PTPA: variants seen among roughly 807,000 people sequenced by gnomAD.
The protein encoded by PTPA is serine/threonine-protein phosphatase 2A activator.
PTPA carries 13 observed loss-of-function variants against 43.6 expected under a neutral mutation model. The observed-to-expected ratio is 0.30, with a 90% CI of 0.19 to 0.47. PTPA has a LOEUF of 0.47. Among genes scored for constraint, PTPA ranks in the 20% least tolerant of loss-of-function variants. The probability of loss-of-function intolerance (pLI) is 0.99; values close to 1 mark genes in which losing one functional copy is unlikely to be tolerated. For missense variants in PTPA, 329 were observed against 411.9 expected, an observed-to-expected ratio of 0.80 and a Z score of 1.74; for synonymous variants, 172 against 158.2, an observed-to-expected ratio of 1.09 and a Z score of -0.66.
intron 5 of PTPA, among the ~76,000 whole-genome samples, chr9:129,132,555 C>T (rs904229953): frequency 1.3e-5 from 2 of 152,144 alleles, no homozygotes; most frequent in Non-Finnish European, 2.9e-5. Context: ...GGCTGGAGTG[C>T]AGTGGCATGA....
intron 5 of PTPA, among the ~76,000 whole-genome samples, chr9:129,133,578 A>T (rs1203761377): frequency 6.6e-6 from 1 of 152,216 alleles, no homozygotes; most frequent in Non-Finnish European, 1.5e-5. Context: ...GAACAATGGG[A>T]TTCAATCACA....
chr9:129,147,389 C>G lies in PTPA; in HGVS notation c.897C>G (p.Cys299Trp), dbSNP rs1851374831. 1.2e-6 allele frequency: 2 copies of G among 1,613,746 alleles called. No individual in the cohort carries two copies. Among genetic ancestry groups the G allele is most frequent in the Non-Finnish European group, 8.5e-7 (1 of 1,179,846 alleles). The change falls in exon 10 of 10, where the codon TGC (cysteine) becomes TGG (tryptophan). Residue 299 changes from cysteine (C) to tryptophan (W), a missense_variant and splice_region_variant. Cys to Trp is a radical substitution (Grantham distance 215). Coordinates refer to ENST00000393370, the MANE Select transcript of PTPA (RefSeq NM_178000.3). ...QGLIRMYKAE[C>W]LEKFPVIQHF... is the part of the protein sequence containing the mutation. ...GCTCACCTGCTCCTTCCTCACAGTGCCTGGAGAAGTTCCCTGTGATCCAGC... is the reference window on the plus strand; with the variant it reads ...GCTCACCTGCTCCTTCCTCACAGTGGCTGGAGAAGTTCCCTGTGATCCAGC...
At chr9:129,132,457 C>T (rs920641948) in intron 5 of PTPA, among the ~76,000 whole-genome samples, 5 of 152,146 alleles carry the variant, frequency 3.3e-5, no homozygotes, top group African/African-American at 1.2e-4. Flanking sequence ...TGCATCTCCC[C>T]ACTCCCCAGT....
At chr9:129,138,319 T>C (rs1236365910) in intron 8 of PTPA, among the ~76,000 whole-genome samples, 1 of 152,192 alleles carries the variant, frequency 6.6e-6, no homozygotes. Flanking sequence ...GGACCACTTG[T>C]GCGAGATCTC....
At chr9:129,129,202 C>T (rs1849783891) in intron 4 of PTPA, 92 bp downstream of exon 4, 2 of 1,474,174 alleles carry the variant, frequency 1.4e-6, no homozygotes, top group East Asian at 2.3e-5. Context: ...TATAGCGCTT[C>T]TAGGCATATA....
At chr9:129,134,496 G>T (rs961774208) in intron 5 of PTPA, among the ~76,000 whole-genome samples, 6 of 151,864 alleles carry the variant, frequency 4.0e-5, no homozygotes, top group Non-Finnish European at 5.9e-5. Flanking sequence ...TAGAGACAGG[G>T]TTTTGCCATG....
intron 2 of PTPA, 33 bp downstream of exon 2, chr9:129,120,643 C>T: frequency 6.4e-7 from 1 of 1,570,088 alleles, no homozygotes; most frequent in Non-Finnish European, 8.8e-7. Context: ...GAAACTTGGG[C>T]TTTTCAAAGA....
At position 129,134,848 on chromosome 9, in the gene PTPA, C is replaced by T. The variant is rs1471604741; in HGVS notation, c.514C>T (p.Leu172Phe). Reference sequence around the variant, plus strand: ...CTGCTGTCTCTGCAAGATTGGGGTGCTCCGGGTGGATGACCAAATAGCTAT... The same window carrying T: ...CTGCTGTCTCTGCAAGATTGGGGTGTTCCGGGTGGATGACCAAATAGCTAT... Reference protein sequence around the residue: ...FLCCLCKIGVLRVDDQIAIVF... With the variant: ...FLCCLCKIGVFRVDDQIAIVF... Residue 172 changes from leucine (L) to phenylalanine (F), a missense_variant, in exon 6 of 10, where the codon CTC (leucine) becomes TTC (phenylalanine). By Grantham distance (22) the Leu-to-Phe change is conservative. Coordinates refer to ENST00000393370, the MANE Select transcript of PTPA (RefSeq NM_178000.3). The T allele has an allele frequency of 3.1e-6, 5 of 1,614,106 alleles. No homozygotes were observed. Among genetic ancestry groups the T allele is most frequent in the Non-Finnish European group, 4.2e-6 (5 of 1,180,020 alleles).
At chr9:129,121,473 A>G (rs10988214) in intron 2 of PTPA, among the ~76,000 whole-genome samples, 90,428 of 152,122 alleles carry the variant, frequency 0.59, 28,810 homozygotes, top group Non-Finnish European at 0.7. Flanking sequence ...CAGTCCCTTC[A>G]GCCTAGGGGG....
chr9:129,142,110 T>C, intron 8 of PTPA: 1 of 242,838 alleles, frequency 4.1e-6, no homozygotes, highest in Non-Finnish European at 7.9e-6. Flanking sequence ...CTGAGGCTGC[T>C]GGATTTGGTG....
Position 129,111,478 on chromosome 9 carries a change from G to T in PTPA, c.-123G>T. On this transcript the variant is annotated 5_prime_UTR_variant, in exon 1 of 10. Transcript: ENST00000393370. ...TCTCGGTTTTCGGTTATAGCCGGCC[G>T]GCGCTCACTTGTCTTCAGGAAGCTC... 7.9e-7 allele frequency: 1 copy of T among 1,262,300 alleles called. No individual in the cohort carries two copies. The highest frequency in any genetic ancestry group is 1.0e-6 in the Non-Finnish European group (1 of 995,636). 78.2% of individuals were successfully genotyped at this position (1,262,300 alleles called of 1,614,324 possible).
At chr9:129,125,735 A>C (rs1261924366) in intron 3 of PTPA, among the ~76,000 whole-genome samples, 1 of 152,182 alleles carries the variant, frequency 6.6e-6, no homozygotes, top group East Asian at 1.9e-4. Flanking sequence ...AGATCCCACG[A>C]GTAGTGGTTG....
rs531329223 is a variant in PTPA, at chr9:129,147,334, G to A, written c.895-53G>A. The A allele has an allele frequency of 5.9e-5, 92 of 1,572,210 alleles. No individual in the cohort carries two copies. The East Asian group carries it at 1.9e-3, about 33-fold the overall frequency. On this transcript the variant is annotated intron_variant, in intron 9 of 9. Transcript: ENST00000393370. The stretch of plus-strand genomic sequence containing the variant: ...AGCTGCTGCGGTTGTTGGGGTCCTG[G>A]CAGGGGTGTGGTGTGGCCCTCACCA...
At chr9:129,114,081 T>C (rs1848715534) in intron 1 of PTPA, among the ~76,000 whole-genome samples, 1 of 152,122 alleles carries the variant, frequency 6.6e-6, no homozygotes, top group South Asian at 2.1e-4. Context: ...CAGGCCAGGG[T>C]GCAGTGGTGC....
chr9:129,135,263 C>T (rs1850290431), intron 6 of PTPA, among the ~76,000 whole-genome samples: 1 of 152,112 alleles, frequency 6.6e-6, no homozygotes, highest in African/African-American at 2.4e-5. Flanking sequence ...CGTGGTGGCA[C>T]TCGCCTGTAA....
At chr9:129,115,121 C>G (rs1265863912) in intron 1 of PTPA, among the ~76,000 whole-genome samples, 1 of 152,108 alleles carries the variant, frequency 6.6e-6, no homozygotes, top group Non-Finnish European at 1.5e-5. Flanking sequence ...ATGGTGATCT[C>G]ACACATATAA....
rs1848493099 is a variant in PTPA at position 129,111,649 on chromosome 9, A to G, written c.31+18A>G. The stretch of plus-strand genomic sequence containing the variant: ...GCCGCCAGGTAAGGCCGGCGGGGCC[A>G]GGCCGGGCCGGGGTCGGGTAGGGTG... On this transcript the variant is annotated intron_variant, in intron 1 of 9. Transcript: ENST00000393370. 4 of 1,126,248 alleles carry G rather than the reference A, an allele frequency of 3.6e-6. No individual in the cohort carries two copies. The highest frequency in any genetic ancestry group is 3.3e-6 in the Non-Finnish European group (3 of 903,102). 69.8% of individuals were successfully genotyped at this position (1,126,248 alleles called of 1,614,324 possible).
chr9:129,143,079 C>G (rs116348279), intron 9 of PTPA: 3 of 706,204 alleles, frequency 4.2e-6, no homozygotes, highest in African/African-American at 1.8e-5. Context: ...TTTCCCTGCT[C>G]TCAAATCAGA....
chr9:129,131,481 C>G (rs1368462568), intron 4 of PTPA, 41 bp from the exon 5 acceptor site: 1 of 1,589,548 alleles, frequency 6.3e-7, no homozygotes, highest in African/African-American at 1.3e-5. Flanking sequence ...TGGGATGCTG[C>G]TTAATATGCT....
Sources: allele counts gnomAD v4.1 joint callset (sites outside exome capture counted in the v4.1 genomes callset), GRCh38; gene constraint gnomAD v4.1.1; transcripts MANE v1.5; gene names NCBI Gene and HGNC (gene_info 2026-07-23, HGNC 2026-07-21).